PXDNL: variants seen among roughly 807,000 people sequenced by gnomAD.
PXDNL encodes probable oxidoreductase PXDNL.
Under a neutral mutation model 150.8 loss-of-function variants are expected in PXDNL, and 145 were observed. That is an observed-to-expected ratio of 0.96 (90% CI 0.84 to 1.10). The LOEUF (loss-of-function observed/expected upper bound fraction) is 1.10. Among genes scored for constraint, PXDNL ranks in the 50% least tolerant of loss-of-function variants. The pLI, the probability that PXDNL is intolerant of heterozygous loss-of-function variation, is 0.00. For synonymous variants in PXDNL, 757 were observed against 725.7 expected, an observed-to-expected ratio of 1.04 and a Z score of -0.69; for missense variants, 2,087 against 1,873.9, an observed-to-expected ratio of 1.11 and a Z score of -2.10.
chr8:51,783,324 CA>C (rs2037432763), intron 1 of PXDNL, among the ~76,000 whole-genome samples: 1 of 152,202 alleles, frequency 6.6e-6, no homozygotes, highest in Admixed American at 6.5e-5. Context: ...CTGGACACTG[CA>C]GAAAACCTCC....
At chr8:51,537,894 T>C (rs1812118891) in intron 4 of PXDNL, among the ~76,000 whole-genome samples, 1 of 152,178 alleles carries the variant, frequency 6.6e-6, no homozygotes, top group South Asian at 2.1e-4. Flanking sequence ...CAGAATGGAA[T>C]AGATCGGAAA....
intron 21 of PXDNL, among the ~76,000 whole-genome samples, chr8:51,335,845 T>C (rs1204406070): frequency 6.6e-6 from 1 of 152,100 alleles, no homozygotes; most frequent in Admixed American, 6.5e-5. Context: ...AAAGGGCAAA[T>C]ATAATTTACT....
At chr8:51,560,093 A>T in intron 3 of PXDNL, among the ~76,000 whole-genome samples, 1 of 152,048 alleles carries the variant, frequency 6.6e-6, no homozygotes, top group East Asian at 1.9e-4. Flanking sequence ...CTACCTAGGA[A>T]TAAACTTAAC....
At chr8:51,782,372 G>A (rs2037423652) in intron 1 of PXDNL, among the ~76,000 whole-genome samples, 1 of 152,158 alleles carries the variant, frequency 6.6e-6, no homozygotes, top group African/African-American at 2.4e-5. Context: ...CACCAAGAAA[G>A]AGAAGTGTTG....
intron 1 of PXDNL, among the ~76,000 whole-genome samples, chr8:51,780,943 A>AGCC (rs2037409109): frequency 6.7e-6 from 1 of 150,034 alleles, no homozygotes; most frequent in Non-Finnish European, 1.5e-5. Context: ...TACAGGTGTG[A>AGCC]ACCACTGCAC....
chr8:51,481,118 CAG>C (rs1451443232), intron 6 of PXDNL, among the ~76,000 whole-genome samples: 13 of 152,106 alleles, frequency 8.5e-5, no homozygotes, highest in Non-Finnish European at 1.8e-4. Flanking sequence ...TTGGAGGGCT[CAG>C]AAGACAGGCA....
chr8:51,468,722 G>C (rs949349506), intron 8 of PXDNL, among the ~76,000 whole-genome samples: 6 of 151,570 alleles, frequency 4.0e-5, no homozygotes, highest in African/African-American at 1.5e-4. Flanking sequence ...AGTCTGGAAG[G>C]ATCTTTCTAT....
At chr8:51,620,969 C>T (rs1814238616) in intron 2 of PXDNL, among the ~76,000 whole-genome samples, 1 of 152,162 alleles carries the variant, frequency 6.6e-6, no homozygotes, top group East Asian at 1.9e-4. Flanking sequence ...AATTAGATTG[C>T]TAAATACCAA....
chr8:51,681,946 T>TCTTAGTAC (rs1268132179), intron 1 of PXDNL, among the ~76,000 whole-genome samples: 2 of 152,154 alleles, frequency 1.3e-5, no homozygotes, highest in African/African-American at 2.4e-5. Flanking sequence ...ATATTTAAGA[T>TCTTAGTAC]ATATTTCATA....
intron 2 of PXDNL, among the ~76,000 whole-genome samples, chr8:51,606,835 A>G (rs922218141): frequency 1.3e-5 from 2 of 152,166 alleles, no homozygotes; most frequent in African/African-American, 2.4e-5. Context: ...TCACACATAC[A>G]ACACATAGCA....
chr8:51,507,275 G>A (rs1428661131), intron 4 of PXDNL, among the ~76,000 whole-genome samples: 1 of 152,168 alleles, frequency 6.6e-6, no homozygotes, highest in African/African-American at 2.4e-5. Context: ...ACAAAGAAAA[G>A]GATTCTCTAC....
intron 1 of PXDNL, among the ~76,000 whole-genome samples, chr8:51,686,756 G>C (rs1227951265): frequency 6.6e-6 from 1 of 151,916 alleles, no homozygotes; most frequent in Non-Finnish European, 1.5e-5. Context: ...TATTTTGTGG[G>C]CATAAAAAAT....
At chr8:51,414,138 C>T (rs1372953580) in intron 14 of PXDNL, among the ~76,000 whole-genome samples, 2 of 151,498 alleles carry the variant, frequency 1.3e-5, no homozygotes, top group Non-Finnish European at 2.9e-5. Flanking sequence ...ATGTATTATC[C>T]AAAAGAACTC....
intron 8 of PXDNL, among the ~76,000 whole-genome samples, chr8:51,467,755 A>T (rs1182088234): frequency 6.6e-6 from 1 of 152,062 alleles, no homozygotes; most frequent in Non-Finnish European, 1.5e-5. Flanking sequence ...TGCCATTATT[A>T]TGCAATCTTT....
intron 17 of PXDNL, among the ~76,000 whole-genome samples, chr8:51,404,894 T>C (rs1808391943): frequency 6.6e-6 from 1 of 152,102 alleles, no homozygotes; most frequent in Non-Finnish European, 1.5e-5. Context: ...TCAGGGAGGC[T>C]CGGGCTGCAC....
At chr8:51,753,139 C>T (rs1039649493) in intron 1 of PXDNL, among the ~76,000 whole-genome samples, 2 of 152,250 alleles carry the variant, frequency 1.3e-5, no homozygotes, top group African/African-American at 4.8e-5. Flanking sequence ...ATGGATTTCT[C>T]TTGATTGCGT....
chr8:51,717,089 T>C (rs1354614320), intron 1 of PXDNL, among the ~76,000 whole-genome samples: 1 of 152,204 alleles, frequency 6.6e-6, no homozygotes, highest in Non-Finnish European at 1.5e-5. Flanking sequence ...TTGTGCTTTA[T>C]TATCCTTAGT....
intron 10 of PXDNL, among the ~76,000 whole-genome samples, chr8:51,451,759 T>C (rs561690637): frequency 6.6e-6 from 1 of 152,336 alleles, no homozygotes; most frequent in East Asian, 1.9e-4. Flanking sequence ...AGAACATGGA[T>C]AGAAACCTGT....
At chr8:51,576,624 A>C (rs1388414535) in intron 3 of PXDNL, among the ~76,000 whole-genome samples, 2 of 151,872 alleles carry the variant, frequency 1.3e-5, no homozygotes, top group Non-Finnish European at 2.9e-5. Context: ...AGAATACAAG[A>C]GCAAAATGAA....
Sources: gnomAD v4.1 joint callset for allele counts (sites outside exome capture counted in the v4.1 genomes callset) on GRCh38, gnomAD v4.1.1 for gene constraint, MANE v1.5 for transcripts, NCBI Gene and HGNC (gene_info 2026-07-23, HGNC 2026-07-21) for gene names.